ACSS3: variants seen among roughly 807,000 people sequenced by gnomAD.
The protein encoded by ACSS3 is acyl-CoA synthetase short-chain family member 3, mitochondrial.
ACSS3 carries 64 observed loss-of-function variants against 84.2 expected under a neutral mutation model. The ratio of observed to expected loss-of-function variants is 0.76; its 90% CI spans 0.62 to 0.94. The LOEUF (loss-of-function observed/expected upper bound fraction) is 0.94. Ranked by LOEUF, ACSS3 falls within the 40% of genes least tolerant of loss-of-function variation. The pLI is 0.00. For missense variants in ACSS3, 815 were observed against 867.6 expected (o/e 0.94, Z 0.76); for synonymous variants, 317 against 310.1 (o/e 1.02, Z -0.23).
At chr12:81,142,375 T>C (rs1054205650) in intron 4 of ACSS3, among the ~76,000 whole-genome samples, 1 of 152,200 alleles carries the variant, frequency 6.6e-6, no homozygotes, top group Non-Finnish European at 1.5e-5. Context: ...ATCAGCCACT[T>C]CCCTGCTTTT....
intron 15 of ACSS3, 115 bp from the exon 16 acceptor site, chr12:81,254,742 C>T: frequency 6.6e-6 from 5 of 759,242 alleles, no homozygotes; most frequent in African/African-American, 1.8e-5. Flanking sequence ...TTAAACTTTC[C>T]ATATGAATAT....
chr12:81,213,901 TGTCCTTCCTTCC>T (rs1278452043), intron 9 of ACSS3, among the ~76,000 whole-genome samples: 11 of 72,504 alleles, frequency 1.5e-4, no homozygotes, highest in Admixed American at 3.6e-4. Flanking sequence ...TTCTTTCTTT[TGTCCTTCCTTCC>T]TTCCTTCCTT....
intron 11 of ACSS3, among the ~76,000 whole-genome samples, chr12:81,226,968 C>T (rs2033294238): frequency 7.7e-6 from 1 of 129,118 alleles, no homozygotes; most frequent in Non-Finnish European, 1.6e-5. Context: ...AGGATTTACA[C>T]ACACACACAC....
chr12:81,088,552 T>C (rs1187214119), intron 1 of ACSS3, among the ~76,000 whole-genome samples: 1 of 152,074 alleles, frequency 6.6e-6, no homozygotes, highest in Non-Finnish European at 1.5e-5. Context: ...ACTAAGTGTT[T>C]TAATTTGTTT....
At chr12:81,100,373 G>C (rs978594011) in intron 1 of ACSS3, among the ~76,000 whole-genome samples, 1 of 151,964 alleles carries the variant, frequency 6.6e-6, no homozygotes, top group Non-Finnish European at 1.5e-5. Flanking sequence ...TTTACAGATC[G>C]CTTTGGGGAG....
chr12:81,147,259 A>C (rs192916114), intron 5 of ACSS3, among the ~76,000 whole-genome samples: 37 of 152,348 alleles, frequency 2.4e-4, no homozygotes, highest in African/African-American at 8.7e-4. Context: ...TTCTAAGAAG[A>C]TTCAAGATTC....
intron 5 of ACSS3, among the ~76,000 whole-genome samples, chr12:81,144,327 G>A (rs926749965): frequency 3.3e-5 from 5 of 152,280 alleles, no homozygotes; most frequent in South Asian, 2.1e-4. Context: ...GAATTCATAC[G>A]TAGATGCATG....
chr12:81,221,667 A>G (rs2033114379), intron 11 of ACSS3, among the ~76,000 whole-genome samples: 1 of 152,118 alleles, frequency 6.6e-6, no homozygotes, highest in African/African-American at 2.4e-5. Context: ...TTGTATTCGC[A>G]GTTCTCTGAG....
Position 81,136,843 on chromosome 12 carries a change from A to T in ACSS3, c.645+1839A>T, listed in dbSNP as rs1885829595. Among the ~76,000 whole-genome samples, 4 of 152,282 alleles carry T rather than the reference A, an allele frequency of 2.6e-5. No homozygotes were observed. In the South Asian group the frequency reaches 8.3e-4, roughly 32 times the overall value. ...GGGAGTGAAGCTGGAAGCTGTAATA[A>T]AAACCTTTGATAGGTGGTCTGTTTG... On this transcript the variant is annotated intron_variant, in intron 3 of 15. Coordinates refer to ENST00000548058, the MANE Select transcript of ACSS3 (RefSeq NM_024560.4).
intron 4 of ACSS3, among the ~76,000 whole-genome samples, chr12:81,139,598 A>G (rs2121575992): frequency 6.9e-6 from 1 of 144,518 alleles, no homozygotes; most frequent in Admixed American, 7.4e-5. Context: ...AAGACATTCT[A>G]CTAATGAATA....
chr12:81,177,580 T>A (rs2030583993), intron 8 of ACSS3, among the ~76,000 whole-genome samples: 1 of 152,050 alleles, frequency 6.6e-6, no homozygotes, highest in African/African-American at 2.4e-5. Flanking sequence ...AAAGGGCTAA[T>A]ATCCAGAATC....
intron 5 of ACSS3, 126 bp downstream of exon 5, chr12:81,143,373 T>G: frequency 9.2e-7 from 1 of 1,089,390 alleles, no homozygotes; most frequent in Non-Finnish European, 1.2e-6. Context: ...TCATTTGCTT[T>G]TATTTTTTTT....
At chr12:81,134,789 T>C in intron 2 of ACSS3, 27 bp from the exon 3 acceptor site, 2 of 1,468,082 alleles carry the variant, frequency 1.4e-6, no homozygotes, top group South Asian at 3.1e-5. Context: ...CAAAATACAC[T>C]TTACTGATTT....
chr12:81,097,929 G>A (rs1220112612), intron 1 of ACSS3, among the ~76,000 whole-genome samples: 3 of 151,936 alleles, frequency 2.0e-5, no homozygotes, highest in East Asian at 3.9e-4. Flanking sequence ...CTTGAATAAC[G>A]GCATTTTGTT....
chr12:81,235,819 T>C (rs930215442), intron 13 of ACSS3, among the ~76,000 whole-genome samples: 1 of 151,556 alleles, frequency 6.6e-6, no homozygotes, highest in African/African-American at 2.4e-5. Context: ...CAGACTGATA[T>C]GTAACCTATG....
Position 81,143,098 on chromosome 12 carries a change from G to T in ACSS3, c.781-9G>T. ...TTACAGTACATATTCTTATATTTTT[G>T]CTGTGTAGGAGGCGGTTCCTTTGGC... On this transcript the variant is annotated splice_polypyrimidine_tract_variant and intron_variant, in intron 4 of 15. Coordinates refer to ENST00000548058, the MANE Select transcript of ACSS3 (RefSeq NM_024560.4). The T allele has an allele frequency of 6.2e-7, 1 of 1,605,228 alleles. No individual in the cohort carries two copies. Among genetic ancestry groups the T allele is most frequent in the Non-Finnish European group, 8.5e-7 (1 of 1,174,976 alleles).
At position 81,187,146 on chromosome 12, in the gene ACSS3, A is replaced by G. The variant is rs574383163; in HGVS notation, c.1251-12195A>G. ...TCTCATTTATATGTTAAATTTTAAA[A>G]CAACAACAAAAAAAAATCAAAAATA... On this transcript the variant is annotated intron_variant, in intron 8 of 15. Coordinates refer to ENST00000548058, the MANE Select transcript of ACSS3 (RefSeq NM_024560.4). Among the ~76,000 whole-genome samples, 9 of 88,182 alleles carry G rather than the reference A, an allele frequency of 1.0e-4. No individual in the cohort carries two copies. In the East Asian group the frequency reaches 3.0e-3, roughly 30 times the overall value. 57.9% of individuals were successfully genotyped at this position (88,182 alleles called of 152,430 possible).
intron 13 of ACSS3, among the ~76,000 whole-genome samples, chr12:81,243,210 C>A (rs1476207512): frequency 6.6e-6 from 1 of 152,018 alleles, no homozygotes; most frequent in Non-Finnish European, 1.5e-5. Flanking sequence ...TCTTATACAC[C>A]AATAACAGAC....
In ACSS3 at chr12:81,231,613, T is replaced by C. The variant is rs77925652; in HGVS notation, c.1596+475T>C. On this transcript the variant is annotated intron_variant, in intron 12 of 15. Transcript: ENST00000548058. ...CTTCTTTATTTTTGACACCATTTTT[T>C]GAATGTTCTCTGAGCTCTTTATTTT... Among the ~76,000 whole-genome samples, 29 of 151,906 alleles carry C rather than the reference T, an allele frequency of 1.9e-4. No individual in the cohort carries two copies. In the East Asian group the frequency reaches 5.2e-3, roughly 27 times the overall value.
Sources: allele counts gnomAD v4.1 joint callset (sites outside exome capture counted in the v4.1 genomes callset), GRCh38; gene constraint gnomAD v4.1.1; transcripts MANE v1.5; gene names NCBI Gene and HGNC (gene_info 2026-07-23, HGNC 2026-07-21).